The following SLC22A11 variants were observed in gnomAD, a reference collection of about 807,000 sequenced individuals.
SLC22A11 encodes the protein solute carrier family 22 member 11, also known as organic anion transporter 4.
In SLC22A11, 42 loss-of-function variants were observed where a neutral mutation model predicts 49.4. The ratio of observed to expected loss-of-function variants is 0.85; its 90% CI spans 0.66 to 1.10. SLC22A11 has a LOEUF of 1.10. Among genes scored for constraint, SLC22A11 ranks in the 50% least tolerant of loss-of-function variants. The probability of loss-of-function intolerance (pLI) is 0.00; values close to 1 mark genes in which losing one functional copy is unlikely to be tolerated. For synonymous variants in SLC22A11, 304 were observed against 315.8 expected (o/e 0.96, Z 0.40); for missense variants, 685 against 731.6 (o/e 0.94, Z 0.74).
In SLC22A11 at chr11:64,565,202, GCCC is replaced by G; in HGVS notation, c.943-17_943-15del. ...GGGCCATTGCCCTACCATTCACGGT[GCCC>G]CCATTCTCCCCGGAAGGTGCTGATG... On this transcript the variant is annotated splice_polypyrimidine_tract_variant and intron_variant, in intron 5 of 9. Coordinates refer to ENST00000301891, the MANE Select transcript of SLC22A11 (RefSeq NM_018484.4). This position sits in a 1 kb window ranked among gnomAD's most constrained non-coding sequence, Gnocchi z 4.1. 1 of 1,505,686 alleles carries G rather than the reference GCCC, an allele frequency of 6.6e-7. No homozygotes were observed. The highest frequency in any genetic ancestry group is 9.0e-7 in the Non-Finnish European group (1 of 1,117,052). 93.3% of individuals were successfully genotyped at this position (1,505,686 alleles called of 1,614,324 possible). A position where few individuals can be genotyped will look rare whatever the true frequency, so the allele number is the denominator to read the frequency against.
In SLC22A11 at chr11:64,570,009, T is replaced by A. The variant is rs1368580829; in HGVS notation, c.1589+151T>A. On this transcript the variant is annotated intron_variant, in intron 9 of 9. Transcript: ENST00000301891. ...CTTTCCAACAATCCTGCCAGAAATG[T>A]ATTATTACTATCCCCATACTATTAC... 2.9e-5 allele frequency: 20 copies of A among 687,996 alleles called. No homozygotes were observed. The South Asian group carries it at 3.8e-4, about 13-fold the overall frequency. 42.6% of individuals were successfully genotyped at this position (687,996 alleles called of 1,614,324 possible).
intron 6 of SLC22A11, 73 bp from the exon 7 acceptor site, chr11:64,567,526 T>C: frequency 7.1e-7 from 1 of 1,405,296 alleles, no homozygotes; most frequent in African/African-American, 1.4e-5. Context: ...CAGCTCCTGG[T>C]GGGAGGTGCT....
In SLC22A11 at chr11:64,567,651, G is replaced by C. The variant is rs748289729; in HGVS notation, c.1111G>C (p.Gly371Arg). The C allele has an allele frequency of 1.3e-5, 21 of 1,614,016 alleles. No homozygotes were observed. The Admixed American group carries it at 3.5e-4, about 27-fold the overall frequency. ...YGLVFDLQSL[G>R]RDIFLLQALF... Reference sequence around the variant, plus strand: ...GCTGGTCTTCGACCTGCAGAGCCTGGGCCGTGACATCTTCCTCCTCCAGGC... The same window carrying C: ...GCTGGTCTTCGACCTGCAGAGCCTGCGCCGTGACATCTTCCTCCTCCAGGC... Residue 371 changes from glycine to arginine, a missense_variant, in exon 7 of 10, where the codon GGC becomes CGC. Transcript: ENST00000301891.
intron 7 of SLC22A11, 92 bp downstream of exon 7, chr11:64,567,905 C>A: frequency 7.6e-7 from 1 of 1,315,728 alleles, no homozygotes; most frequent in Non-Finnish European, 1.0e-6. Flanking sequence ...TCCCTGGCCC[C>A]AGGAGCTGCC....
chr11:64,562,502 T>C lies in SLC22A11; in HGVS notation c.821+67T>C. 6.9e-7 allele frequency: 1 copy of C among 1,459,352 alleles called. No individual in the cohort carries two copies. Among genetic ancestry groups the C allele is most frequent in the African/African-American group, 1.4e-5 (1 of 70,726 alleles). 90.4% of individuals were successfully genotyped at this position (1,459,352 alleles called of 1,614,324 possible). On this transcript the variant is annotated intron_variant, in intron 4 of 9. Transcript: ENST00000301891. This position sits in a 1 kb window ranked among gnomAD's most constrained non-coding sequence, Gnocchi z 4.4. Reference sequence around the variant, plus strand: ...GGGAGGGGGACTCTTCACTTTCACCTCTCTGGCTGGCAGTAGGTCCAGAGA... The same window carrying C: ...GGGAGGGGGACTCTTCACTTTCACCCCTCTGGCTGGCAGTAGGTCCAGAGA...
rs929935744 is a variant in SLC22A11 at position 64,562,523 on chromosome 11, A to G, written c.821+88A>G. 1 of 1,383,820 alleles carries G rather than the reference A, an allele frequency of 7.2e-7. No individual in the cohort carries two copies. Among genetic ancestry groups the G allele is most frequent in the East Asian group, 2.4e-5 (1 of 42,164 alleles). The allele number at this position is 1,383,820 out of a possible 1,614,324, so 85.7% of individuals were successfully genotyped here. On this transcript the variant is annotated intron_variant, in intron 4 of 9. Coordinates refer to ENST00000301891, the MANE Select transcript of SLC22A11 (RefSeq NM_018484.4). This position sits in a 1 kb window ranked among gnomAD's most constrained non-coding sequence, Gnocchi z 4.4. ...CACCTCTCTGGCTGGCAGTAGGTCC[A>G]GAGACCTGGAGTGCCACAGAAGGGC... is the stretch of plus-strand genomic sequence containing the variant.
intron 9 of SLC22A11, among the ~76,000 whole-genome samples, chr11:64,570,210 G>A (rs1267265416): frequency 6.6e-6 from 1 of 152,220 alleles, no homozygotes; most frequent in Non-Finnish European, 1.5e-5. Context: ...CTGACAAAGG[G>A]AGATACAGAT....
At chr11:64,557,764 T>C (rs2038483709) in intron 1 of SLC22A11, among the ~76,000 whole-genome samples, 1 of 150,128 alleles carries the variant, frequency 6.7e-6, no homozygotes, top group South Asian at 2.1e-4. Context: ...CCCCAGTAGC[T>C]AGGACTATAG....
At chr11:64,566,267 G>A (rs893383719) in intron 6 of SLC22A11, 1 of 151,796 alleles carries the variant, frequency 6.6e-6, no homozygotes. Flanking sequence ...AAAAACCTAA[G>A]GACCTGGTTT....
At chr11:64,570,278 A>AC (rs2038686602) in intron 9 of SLC22A11, among the ~76,000 whole-genome samples, 1 of 152,264 alleles carries the variant, frequency 6.6e-6, no homozygotes, top group African/African-American at 2.4e-5. Flanking sequence ...AGACAGATCA[A>AC]CAGGTGAGTT....
At chr11:64,558,054 T>G (rs2038488450) in intron 1 of SLC22A11, among the ~76,000 whole-genome samples, 5 of 152,150 alleles carry the variant, frequency 3.3e-5, no homozygotes, top group Admixed American at 3.3e-4. Flanking sequence ...CGCCTCGGCC[T>G]CCCAAAGTGC....
In SLC22A11 at chr11:64,559,170, C is replaced by T. The variant is rs777817600; in HGVS notation, c.429C>T (p.Pro143=). The change falls in exon 2 of 10, where the codon CCC becomes CCT. Residue 143 remains proline, a synonymous_variant. Coordinates refer to ENST00000301891, the MANE Select transcript of SLC22A11 (RefSeq NM_018484.4). ...DLVCSSQGLK[P]LSQSIFMSGI... ...TGTGCAGCTCCCAGGGCTTGAAGCC[C>T]CTAAGCCAGTCCATCTTCATGTCCG... is the stretch of plus-strand genomic sequence containing the variant. 9.9e-6 allele frequency: 16 copies of T among 1,613,562 alleles called. No homozygotes were observed. The highest frequency in any genetic ancestry group is 1.4e-5 in the Non-Finnish European group (16 of 1,179,652).
intron 2 of SLC22A11, among the ~76,000 whole-genome samples, chr11:64,561,330 C>T (rs1487995478): frequency 6.6e-6 from 1 of 152,322 alleles, no homozygotes; most frequent in Admixed American, 6.5e-5. Flanking sequence ...CTTATGGATG[C>T]CCTTGTGTTA....
chr11:64,564,276 G>GT lies in SLC22A11; in HGVS notation c.822-32_822-31insT, dbSNP rs777579299. The GT allele has an allele frequency of 7.7e-5, 124 of 1,613,052 alleles. No homozygotes were observed. Among genetic ancestry groups the GT allele is most frequent in the African/African-American group, 1.9e-4 (14 of 74,902 alleles). ...CCCGCCCCGGGGGAGAGCCCAGCGT[G>GT]CACTCCCAGCTACACACCTGCCTCC... On this transcript the variant is annotated intron_variant, in intron 4 of 9. Transcript: ENST00000301891. This position sits in a 1 kb window ranked among gnomAD's most constrained non-coding sequence, Gnocchi z 4.2.
At position 64,568,731 on chromosome 11, in the gene SLC22A11, AACCTGCCTCACCATCT is replaced by A; in HGVS notation, c.1338_1353del (p.Cys447ArgfsTer11). 6.2e-7 allele frequency: 1 copy of A among 1,614,068 alleles called. No homozygotes were observed. ...GAAAGGGATGTTTTGGGATAAGCCT[AACCTGCCTCACCATCT>A]ACAAGGCTGAACTCTTTCCAACGCC... On this transcript the variant is annotated frameshift_variant, in exon 8 of 10. Transcript: ENST00000301891. LOFTEE classifies it high-confidence loss of function.
chr11:64,563,581 G>A (rs2038579806), intron 4 of SLC22A11, among the ~76,000 whole-genome samples: 1 of 133,046 alleles, frequency 7.5e-6, no homozygotes, highest in Non-Finnish European at 1.5e-5. Flanking sequence ...AAAATCACCT[G>A]GTTCTGCCTG....
chr11:64,560,116 C>T (rs2038522328), intron 2 of SLC22A11, among the ~76,000 whole-genome samples: 1 of 151,358 alleles, frequency 6.6e-6, no homozygotes, highest in African/African-American at 2.4e-5. Flanking sequence ...GACCCCCAAC[C>T]TGTGGGACCC....
chr11:64,566,711 G>A (rs1355434021), intron 6 of SLC22A11: 3 of 152,086 alleles, frequency 2.0e-5, no homozygotes, highest in African/African-American at 7.3e-5. Context: ...CGGCTTGTGC[G>A]ATTTTACTCT....
intron 4 of SLC22A11, among the ~76,000 whole-genome samples, chr11:64,563,568 T>C (rs1477902667): frequency 7.2e-6 from 1 of 138,456 alleles, no homozygotes. Context: ...AGACTGGTTT[T>C]ATAAAATCAC....
Sources: gnomAD v4.1 joint callset for allele counts (sites outside exome capture counted in the v4.1 genomes callset) on GRCh38, gnomAD v4.1.1 for gene constraint, Gnocchi (gnomAD v3.1) non-coding constraint, MANE v1.5 for transcripts, NCBI Gene and HGNC (gene_info 2026-07-23, HGNC 2026-07-21) for gene names.